ANO10: variants seen among roughly 807,000 people sequenced by gnomAD.
ANO10 encodes anoctamin 10.
In ANO10, 77 loss-of-function variants were observed where a neutral mutation model predicts 74.7. The observed-to-expected ratio is 1.03, with a 90% CI of 0.86 to 1.25. The LOEUF (loss-of-function observed/expected upper bound fraction) is 1.25, where lower values mean the gene tolerates loss of function less well. Among genes scored for constraint, ANO10 ranks in the 50% most tolerant of loss-of-function variants. The probability of loss-of-function intolerance (pLI) is 0.00; values close to 1 mark genes in which losing one functional copy is unlikely to be tolerated. For synonymous variants in ANO10, 279 were observed against 284.9 expected (o/e 0.98, Z 0.21); for missense variants, 721 against 778.1 (o/e 0.93, Z 0.87).
chr3:43,590,398 AAGTT>A (rs2149445304), intron 4 of ANO10, among the ~76,000 whole-genome samples: 1 of 152,348 alleles, frequency 6.6e-6, no homozygotes, highest in Non-Finnish European at 1.5e-5. Flanking sequence ...ACAAAAGAGT[AAGTT>A]AGGAAGGAAG....
At chr3:43,691,060 GC>G in intron 1 of ANO10, 1 of 1,534,838 alleles carries the variant, frequency 6.5e-7, no homozygotes. Flanking sequence ...CCGGCAGGGG[GC>G]TTCGTGTGTC....
intron 12 of ANO10, among the ~76,000 whole-genome samples, chr3:43,389,842 T>C (rs2092228853): frequency 6.6e-6 from 1 of 152,172 alleles, no homozygotes; most frequent in Non-Finnish European, 1.5e-5. Context: ...GTCACTCCTA[T>C]GCGTGTTCCG....
At chr3:43,688,819 G>A (rs2084309682) in intron 1 of ANO10, among the ~76,000 whole-genome samples, 2 of 151,566 alleles carry the variant, frequency 1.3e-5, no homozygotes, top group African/African-American at 4.9e-5. Context: ...ACTCCAGCCA[G>A]GGCAACAGAG....
chr3:43,613,350 G>T (rs1054405445), intron 1 of ANO10, among the ~76,000 whole-genome samples: 2 of 152,072 alleles, frequency 1.3e-5, no homozygotes, highest in African/African-American at 4.8e-5. Flanking sequence ...AAAAATTTTG[G>T]ACCAGGCAAT....
intron 12 of ANO10, among the ~76,000 whole-genome samples, chr3:43,399,802 G>A (rs2092447385): frequency 6.6e-6 from 1 of 152,138 alleles, no homozygotes; most frequent in Non-Finnish European, 1.5e-5. Flanking sequence ...TCATCCCTGG[G>A]TACCATAGCC....
At chr3:43,562,430 C>T (rs189875425) in intron 8 of ANO10, among the ~76,000 whole-genome samples, 2,537 of 123,334 alleles carry the variant, frequency 0.021, 29 homozygotes, top group Non-Finnish European at 0.03. Flanking sequence ...CCAGCCTGGG[C>T]GGCAGAACGA....
intron 1 of ANO10, among the ~76,000 whole-genome samples, chr3:43,641,607 C>T (rs1004196781): frequency 2.0e-5 from 3 of 152,162 alleles, no homozygotes; most frequent in South Asian, 2.1e-4. Context: ...TCAACAAATG[C>T]ATTTGACTTA....
chr3:43,580,543 C>G, intron 4 of ANO10, 71 bp from the exon 5 acceptor site: 2 of 1,586,046 alleles, frequency 1.3e-6, no homozygotes, highest in Non-Finnish European at 1.7e-6. Flanking sequence ...TCAGCAAATA[C>G]TATAAGGACA....
At chr3:43,665,288 A>G (rs1480140533) in intron 1 of ANO10, among the ~76,000 whole-genome samples, 1 of 152,178 alleles carries the variant, frequency 6.6e-6, no homozygotes, top group African/African-American at 2.4e-5. Context: ...AAAACCAGAC[A>G]TCACATGTTC....
intron 11 of ANO10, among the ~76,000 whole-genome samples, chr3:43,531,427 C>A (rs901325179): frequency 2.0e-5 from 3 of 152,242 alleles, no homozygotes; most frequent in Admixed American, 6.5e-5. Flanking sequence ...AGATAAAGTT[C>A]TCTATCTTCT....
At chr3:43,564,175 G>A (rs920850957) in intron 8 of ANO10, among the ~76,000 whole-genome samples, 10 of 151,908 alleles carry the variant, frequency 6.6e-5, no homozygotes, top group African/African-American at 2.4e-4. Context: ...TGAGACTACA[G>A]GCAAGTGCTA....
chr3:43,658,248 A>G (rs993583617), intron 1 of ANO10, among the ~76,000 whole-genome samples: 6 of 152,230 alleles, frequency 3.9e-5, no homozygotes, highest in African/African-American at 1.4e-4. Context: ...TGGATAGGTC[A>G]TCGAGAAAGG....
chr3:43,527,600 C>T (rs1332905536), intron 11 of ANO10, among the ~76,000 whole-genome samples: 1 of 152,104 alleles, frequency 6.6e-6, no homozygotes, highest in Non-Finnish European at 1.5e-5. Flanking sequence ...ATTCCTCATA[C>T]CTACAACATT....
chr3:43,523,582 A>G (rs2149222558), intron 11 of ANO10, among the ~76,000 whole-genome samples: 1 of 152,294 alleles, frequency 6.6e-6, no homozygotes, highest in South Asian at 2.1e-4. Context: ...GGGTTAGATG[A>G]AACAACCACC....
At chr3:43,479,207 T>C (rs1559591678) in intron 11 of ANO10, among the ~76,000 whole-genome samples, 1 of 152,216 alleles carries the variant, frequency 6.6e-6, no homozygotes, top group Non-Finnish European at 1.5e-5. Context: ...GAGCAAGCAT[T>C]AAGGCCTAAT....
intron 12 of ANO10, among the ~76,000 whole-genome samples, chr3:43,413,962 C>T (rs143494801): frequency 2.0e-5 from 3 of 152,038 alleles, no homozygotes; most frequent in East Asian, 3.9e-4. Flanking sequence ...ATCCTCCACA[C>T]ACAGCTTCCC....
At chr3:43,678,666 C>T (rs2084154204) in intron 1 of ANO10, among the ~76,000 whole-genome samples, 1 of 152,112 alleles carries the variant, frequency 6.6e-6, no homozygotes, top group African/African-American at 2.4e-5. Context: ...GAGCTCGGCT[C>T]TTGAGACAGG....
At chr3:43,381,918 C>T (rs1261961355) in intron 12 of ANO10, among the ~76,000 whole-genome samples, 1 of 152,176 alleles carries the variant, frequency 6.6e-6, no homozygotes, top group Non-Finnish European at 1.5e-5. Context: ...AAAAGAAACC[C>T]TTGAAACCCT....
At chr3:43,451,324 C>T (rs1223578835) in intron 11 of ANO10, among the ~76,000 whole-genome samples, 4 of 152,190 alleles carry the variant, frequency 2.6e-5, no homozygotes, top group Non-Finnish European at 5.9e-5. Flanking sequence ...CTGTACCCAC[C>T]GACTAGTCTA....
Sources: gnomAD v4.1 joint callset for allele counts (sites outside exome capture counted in the v4.1 genomes callset) on GRCh38, gnomAD v4.1.1 for gene constraint, MANE v1.5 for transcripts, NCBI Gene and HGNC (gene_info 2026-07-23, HGNC 2026-07-21) for gene names.